Variants in SCARA3 observed in about 807,000 individuals in gnomAD.
SCARA3 encodes the protein scavenger receptor class A member 3.
A neutral mutation model predicts 47.0 loss-of-function variants in SCARA3; 39 were observed. The ratio of observed to expected loss-of-function variants is 0.83; its 90% CI spans 0.64 to 1.08. The LOEUF (loss-of-function observed/expected upper bound fraction) is 1.08, where lower values mean the gene tolerates loss of function less well. Ranked by LOEUF, SCARA3 falls within the 50% of genes least tolerant of loss-of-function variation. The probability of loss-of-function intolerance (pLI) is 0.00; values close to 1 mark genes in which losing one functional copy is unlikely to be tolerated. For missense variants in SCARA3, 724 were observed against 792.3 expected, an observed-to-expected ratio of 0.91 and a Z score of 1.04; for synonymous variants, 356 against 334.1, an observed-to-expected ratio of 1.07 and a Z score of -0.71.
the SCARA3 span, among the ~76,000 whole-genome samples, chr8:27,706,987 T>G: frequency 2.6e-5 from 4 of 152,004 alleles, no homozygotes; most frequent in African/African-American, 9.7e-5. Flanking sequence ...AAATACCTAC[T>G]CCTTAGGCAA....
chr8:27,643,981 C>G (rs34912406), intron 1 of SCARA3, among the ~76,000 whole-genome samples: 3 of 152,156 alleles, frequency 2.0e-5, no homozygotes, highest in African/African-American at 7.2e-5. Flanking sequence ...CTGAACCAAG[C>G]TCAACCCCAG....
chr8:27,636,643 C>T (rs1801257365), intron 1 of SCARA3, among the ~76,000 whole-genome samples: 1 of 152,262 alleles, frequency 6.6e-6, no homozygotes, highest in Non-Finnish European at 1.5e-5. Flanking sequence ...CCTTGGATCC[C>T]ACAGCCTCTT....
chr8:27,670,082 C>G (rs1802111128), intron 5 of SCARA3, among the ~76,000 whole-genome samples: 1 of 152,166 alleles, frequency 6.6e-6, no homozygotes, highest in Non-Finnish European at 1.5e-5. Context: ...AGGGCCGTAT[C>G]TTCATCTTGG....
chr8:27,692,617 T>C, the SCARA3 span, among the ~76,000 whole-genome samples: 1 of 152,258 alleles, frequency 6.6e-6, no homozygotes, highest in East Asian at 1.9e-4. Flanking sequence ...CCTTTCCAGA[T>C]CTTTCCCTGA....
Position 27,672,187 on chromosome 8 carries a change from G to C in SCARA3, c.*836G>C. The stretch of plus-strand genomic sequence containing the variant: ...CACGAGGCTGACATTCTCTGGCCTT[G>C]CACACAGTGCCCCCTGAGAAGTTCA... On this transcript the variant is annotated 3_prime_UTR_variant, in exon 6 of 6. Transcript: ENST00000301904. 1.0e-6 allele frequency: 1 copy of C among 985,446 alleles called. No homozygotes were observed. Among genetic ancestry groups the C allele is most frequent in the Non-Finnish European group, 1.2e-6 (1 of 829,954 alleles). 61.0% of individuals were successfully genotyped at this position (985,446 alleles called of 1,614,324 possible). A position where few individuals can be genotyped will look rare whatever the true frequency, so the allele number is the denominator to read the frequency against.
downstream of SCARA3, among the ~76,000 whole-genome samples, chr8:27,679,612 A>G (rs1298044557): frequency 1.3e-5 from 2 of 152,242 alleles, no homozygotes; most frequent in African/African-American, 4.8e-5. Context: ...TAGGTCAACT[A>G]ACTTAACATT....
chr8:27,712,520 G>C, the SCARA3 span, among the ~76,000 whole-genome samples: 3 of 129,812 alleles, frequency 2.3e-5, no homozygotes, highest in Non-Finnish European at 4.6e-5. Flanking sequence ...CCGAGATCCC[G>C]CCACTGCACT....
intron 1 of SCARA3, among the ~76,000 whole-genome samples, chr8:27,635,547 C>T (rs1801231773): frequency 6.6e-6 from 1 of 152,130 alleles, no homozygotes; most frequent in Non-Finnish European, 1.5e-5. Flanking sequence ...CTTCTGGGCT[C>T]AAGTGATCCT....
At chr8:27,642,604 C>T (rs897562173) in intron 1 of SCARA3, among the ~76,000 whole-genome samples, 9 of 152,200 alleles carry the variant, frequency 5.9e-5, no homozygotes, top group Non-Finnish European at 1.3e-4. Flanking sequence ...AGGAGGATCA[C>T]TTCAGGCCAG....
chr8:27,733,313 C>G, the SCARA3 span: 1 of 152,226 alleles, frequency 6.6e-6, no homozygotes, highest in African/African-American at 2.4e-5. Flanking sequence ...CTCACACACA[C>G]AGTTCTACTC....
chr8:27,721,379 A>G, the SCARA3 span, among the ~76,000 whole-genome samples: 1 of 152,230 alleles, frequency 6.6e-6, no homozygotes, highest in Non-Finnish European at 1.5e-5. Flanking sequence ...GAGAAGTAAC[A>G]AACATTTCAG....
At chr8:27,662,054 T>G (rs1401320545) in intron 5 of SCARA3, among the ~76,000 whole-genome samples, 4 of 152,200 alleles carry the variant, frequency 2.6e-5, no homozygotes, top group Non-Finnish European at 5.9e-5. Flanking sequence ...CTTAACTTCC[T>G]GTTCAATGGA....
At chr8:27,637,845 G>A (rs777978792) in intron 1 of SCARA3, among the ~76,000 whole-genome samples, 5 of 151,874 alleles carry the variant, frequency 3.3e-5, no homozygotes, top group Non-Finnish European at 7.4e-5. Flanking sequence ...CTGGCCGAGA[G>A]GAGAGGATCT....
chr8:27,664,210 G>A (rs1472484144), intron 5 of SCARA3, among the ~76,000 whole-genome samples: 1 of 152,196 alleles, frequency 6.6e-6, no homozygotes. Flanking sequence ...AGGGCACAAT[G>A]TTCCAGGGAA....
rs1284112362 is a variant in SCARA3, at chr8:27,659,348, C to A, written c.1178C>A (p.Ala393Asp). Residue 393 changes from alanine (A) to aspartate (D), a missense_variant, in exon 5 of 6, where the codon GCC becomes GAC. Ala to Asp is a moderately radical substitution (Grantham distance 126). Transcript: ENST00000301904. Reference sequence around the variant, plus strand: ...TGCACGCTGGGCTTCCACACCCATGCCGAGGAGCTCTACTACCTGAACAAG... The same window carrying A: ...TGCACGCTGGGCTTCCACACCCATGACGAGGAGCTCTACTACCTGAACAAG... The part of the protein sequence containing the change: ...LSCTLGFHTH[A>D]EELYYLNKSV... The A allele has an allele frequency of 6.2e-7, 1 of 1,614,140 alleles. No individual in the cohort carries two copies. Among genetic ancestry groups the A allele is most frequent in the South Asian group, 1.1e-5 (1 of 91,086 alleles).
At chr8:27,702,292 A>G in the SCARA3 span, 1 of 152,266 alleles carries the variant, frequency 6.6e-6, no homozygotes, top group Non-Finnish European at 1.5e-5. Flanking sequence ...CCCTCCCTGC[A>G]GCCTGGCTGG....
At chr8:27,693,032 A>T in the SCARA3 span, among the ~76,000 whole-genome samples, 2 of 151,996 alleles carry the variant, frequency 1.3e-5, no homozygotes, top group South Asian at 4.2e-4. Context: ...AGGCTGAGGC[A>T]GAGAACCACT....
At chr8:27,665,385 T>C (rs1355230200) in intron 5 of SCARA3, among the ~76,000 whole-genome samples, 1 of 152,248 alleles carries the variant, frequency 6.6e-6, no homozygotes, top group African/African-American at 2.4e-5. Flanking sequence ...AAAATATTTA[T>C]CTCTTCCTAC....
chr8:27,676,768 G>A (rs1395771694), downstream of SCARA3: 2 of 503,796 alleles, frequency 4.0e-6, no homozygotes, highest in South Asian at 2.7e-5. Flanking sequence ...ACCTATATTA[G>A]GAAGATGATT....
Sources: allele counts gnomAD v4.1 joint callset (sites outside exome capture counted in the v4.1 genomes callset), GRCh38; gene constraint gnomAD v4.1.1; transcripts MANE v1.5; gene names NCBI Gene and HGNC (gene_info 2026-07-23, HGNC 2026-07-21).